KIF26B: variants seen among roughly 807,000 people sequenced by gnomAD.
KIF26B encodes the protein kinesin family member 26B.
A neutral mutation model predicts 151.2 loss-of-function variants in KIF26B; 63 were observed. The ratio of observed to expected loss-of-function variants is 0.42; its 90% CI spans 0.34 to 0.51. The LOEUF (loss-of-function observed/expected upper bound fraction) is 0.51. Ranked by LOEUF, KIF26B falls within the 20% of genes least tolerant of loss-of-function variation. KIF26B has a pLI of 0.07. For missense variants in KIF26B, 2,813 were observed against 2,913.6 expected (o/e 0.97, Z 0.79); for synonymous variants, 1,357 against 1,262.1 (o/e 1.08, Z -1.59).
intron 12 of KIF26B, among the ~76,000 whole-genome samples, chr1:245,697,236 C>G (rs912830823): frequency 5.3e-5 from 8 of 152,226 alleles, no homozygotes; most frequent in Non-Finnish European, 1.0e-4. Flanking sequence ...CAGCTGGCAT[C>G]TGCTCATCAA....
At chr1:245,292,413 T>C (rs868267076) in intron 2 of KIF26B, among the ~76,000 whole-genome samples, 1 of 152,108 alleles carries the variant, frequency 6.6e-6, no homozygotes, top group Non-Finnish European at 1.5e-5. Context: ...GCAGAGGGGC[T>C]CAGTGTCGCC....
rs1294356866 is a variant in KIF26B, at chr1:245,688,149, G to A, written c.5166G>A (p.Gly1722=). Residue 1722 remains glycine (G), a synonymous_variant, in exon 12 of 15, where the codon GGG becomes GGA. Transcript: ENST00000407071. ...CCGGGACCTCGCCCCCCAGCTCCGG[G>A]GCCTCGCCCAAGGCCGGCCAGTCCA... ...RSAGTSPPSS[G]ASPKAGQSKI... The A allele has an allele frequency of 6.3e-7, 1 of 1,594,676 alleles. No individual in the cohort carries two copies. The highest frequency in any genetic ancestry group is 8.5e-7 in the Non-Finnish European group (1 of 1,176,974).
chr1:245,494,184 T>C (rs1660464258), intron 4 of KIF26B, among the ~76,000 whole-genome samples: 1 of 152,112 alleles, frequency 6.6e-6, no homozygotes, highest in South Asian at 2.1e-4. Flanking sequence ...TGGGAGCCTG[T>C]AATCCCAGAT....
At chr1:245,666,086 T>C (rs1572187954) in intron 10 of KIF26B, among the ~76,000 whole-genome samples, 2 of 141,808 alleles carry the variant, frequency 1.4e-5, no homozygotes, top group African/African-American at 5.1e-5. Flanking sequence ...ACTGCACCTC[T>C]GCCTCCTGGG....
intron 2 of KIF26B, among the ~76,000 whole-genome samples, chr1:245,191,335 C>A (rs34222416): frequency 0.13 from 18,622 of 148,824 alleles, 1,257 homozygotes; most frequent in South Asian, 0.2. Flanking sequence ...CTTAGCTGGG[C>A]GTGATGGCAG....
At chr1:245,169,495 G>A (rs1048950891) in intron 2 of KIF26B, among the ~76,000 whole-genome samples, 2 of 152,120 alleles carry the variant, frequency 1.3e-5, no homozygotes, top group African/African-American at 2.4e-5. Flanking sequence ...AAAGTGGGCC[G>A]TGCAATTACA....
intron 5 of KIF26B, among the ~76,000 whole-genome samples, chr1:245,546,935 C>G (rs963423318): frequency 6.6e-6 from 1 of 152,184 alleles, no homozygotes; most frequent in African/African-American, 2.4e-5. Context: ...TATTTTGAGC[C>G]TTCCTTCAAC....
At chr1:245,611,038 A>G (rs2043515060) in intron 8 of KIF26B, among the ~76,000 whole-genome samples, 1 of 152,208 alleles carries the variant, frequency 6.6e-6, no homozygotes, top group Admixed American at 6.5e-5. Context: ...GATCGTTGTG[A>G]TTCAGGTTTA....
intron 4 of KIF26B, among the ~76,000 whole-genome samples, chr1:245,423,409 C>T (rs1277773321): frequency 6.6e-6 from 1 of 152,014 alleles, no homozygotes; most frequent in Non-Finnish European, 1.5e-5. Context: ...ATCCTCGTTT[C>T]CTCTCACTTG....
At chr1:245,397,635 G>A (rs1390309051) in intron 3 of KIF26B, among the ~76,000 whole-genome samples, 2 of 152,198 alleles carry the variant, frequency 1.3e-5, no homozygotes, top group Non-Finnish European at 2.9e-5. Flanking sequence ...AAAGTCAGTG[G>A]CAATAACTAA....
intron 2 of KIF26B, among the ~76,000 whole-genome samples, chr1:245,273,186 G>A (rs924099147): frequency 6.6e-6 from 1 of 151,998 alleles, no homozygotes; most frequent in Non-Finnish European, 1.5e-5. Flanking sequence ...GGCCGAGGTG[G>A]GCGGATCACT....
chr1:245,378,986 C>G (rs985422437), intron 3 of KIF26B, among the ~76,000 whole-genome samples: 1 of 152,200 alleles, frequency 6.6e-6, no homozygotes, highest in South Asian at 2.1e-4. Flanking sequence ...GTTGACTGAA[C>G]CTTGAGCGCC....
Position 245,184,050 on chromosome 1 carries a change from G to GTTTTTTGTTTTTTTTTTTTTTT in KIF26B, c.465+27373_465+27374insGTTTTTTTTTTTTTTTTTTTTT, listed in dbSNP as rs1553332272. Among the ~76,000 whole-genome samples, 82 of 19,812 alleles carry GTTTTTTGTTTTTTTTTTTTTTT rather than the reference G, an allele frequency of 4.1e-3. 8 individuals carry two copies. Among genetic ancestry groups the GTTTTTTGTTTTTTTTTTTTTTT allele is most frequent in the African/African-American group, 7.9e-3 (52 of 6,612 alleles). The allele number at this position is 19,812 out of a possible 152,430, so 13.0% of individuals were successfully genotyped here. A position where few individuals can be genotyped will look rare whatever the true frequency, so the allele number is the denominator to read the frequency against. ...GCAACAGGTATGGGTGGGAGTTGTT[G>GTTTTTTGTTTTTTTTTTTTTTT]TTTTTTTTTTTTTTTTTTTGAGCTT... On this transcript the variant is annotated intron_variant, in intron 2 of 14. Transcript: ENST00000407071.
chr1:245,608,029 G>A (rs966186899), intron 7 of KIF26B, among the ~76,000 whole-genome samples: 5 of 152,196 alleles, frequency 3.3e-5, no homozygotes, highest in African/African-American at 7.2e-5. Context: ...AGGCAGGCAG[G>A]AAAATATTCA....
At chr1:245,607,581 A>G (rs996436586) in intron 6 of KIF26B, 70 bp from the exon 7 acceptor site, 2 of 1,282,334 alleles carry the variant, frequency 1.6e-6, no homozygotes, top group African/African-American at 2.9e-5. Context: ...AGGTGGGCTC[A>G]CTTTCGTTGT....
chr1:245,390,943 A>AAACAAAACAAAACAAAACAAAAC (rs1553270128), intron 3 of KIF26B, among the ~76,000 whole-genome samples: 2 of 118,412 alleles, frequency 1.7e-5, no homozygotes, highest in African/African-American at 8.2e-5. Flanking sequence ...AAAAAAAAAA[A>AAACAAAACAAAACAAAACAAAAC]AAAAAAAAAC....
intron 2 of KIF26B, among the ~76,000 whole-genome samples, chr1:245,273,770 T>G (rs765127412): frequency 6.6e-6 from 1 of 152,124 alleles, no homozygotes; most frequent in Non-Finnish European, 1.5e-5. Context: ...CCAAAATGAG[T>G]CCCTTGTAGA....
At chr1:245,574,642 G>A (rs1372517805) in intron 5 of KIF26B, among the ~76,000 whole-genome samples, 4 of 152,104 alleles carry the variant, frequency 2.6e-5, no homozygotes, top group Non-Finnish European at 5.9e-5. Flanking sequence ...TGGCAGGGCC[G>A]TTGACTGCTG....
At chr1:245,188,742 TCAAA>T (rs1211141949) in intron 2 of KIF26B, among the ~76,000 whole-genome samples, 1 of 152,218 alleles carries the variant, frequency 6.6e-6, no homozygotes, top group Non-Finnish European at 1.5e-5. Flanking sequence ...AAGCAGGGAC[TCAAA>T]CAAATATCTG....
Sources: allele counts gnomAD v4.1 joint callset (sites outside exome capture counted in the v4.1 genomes callset), GRCh38; gene constraint gnomAD v4.1.1; transcripts MANE v1.5; gene names NCBI Gene and HGNC (gene_info 2026-07-23, HGNC 2026-07-21).